Variants in PTPRD observed in about 807,000 individuals in gnomAD.
PTPRD encodes the protein receptor-type tyrosine-protein phosphatase delta.
PTPRD carries 34 observed loss-of-function variants against 214.5 expected under a neutral mutation model. The ratio of observed to expected loss-of-function variants is 0.16; its 90% CI spans 0.12 to 0.21. PTPRD has a LOEUF of 0.21. Ranked by LOEUF, PTPRD falls within the 10% of genes least tolerant of loss-of-function variation. The pLI is 1.00. For synonymous variants in PTPRD, 1,128 were observed against 845.7 expected (o/e 1.33, Z -5.79); for missense variants, 2,545 against 2,398.7 (o/e 1.06, Z -1.27).
intron 9 of PTPRD, among the ~76,000 whole-genome samples, chr9:9,396,463 A>G (rs76589559): frequency 0.011 from 1,607 of 152,148 alleles, 77 homozygotes; most frequent in East Asian, 0.1. Context: ...AATATACAAT[A>G]AGGCTTTTAA....
chr9:10,107,156 T>A (rs1033001549), intron 3 of PTPRD, among the ~76,000 whole-genome samples: 5 of 151,874 alleles, frequency 3.3e-5, no homozygotes, highest in Non-Finnish European at 7.4e-5. Context: ...ACTAATGGGA[T>A]AACAAAAATG....
chr9:10,495,692 T>C (rs1199757595), intron 2 of PTPRD, among the ~76,000 whole-genome samples: 2 of 151,832 alleles, frequency 1.3e-5, no homozygotes, highest in Admixed American at 6.6e-5. Flanking sequence ...AGTGGAAACA[T>C]AGAGACTGTA....
chr9:10,051,641 C>T (rs1171786921), intron 3 of PTPRD, among the ~76,000 whole-genome samples: 1 of 151,906 alleles, frequency 6.6e-6, no homozygotes, highest in Non-Finnish European at 1.5e-5. Flanking sequence ...TGATGTTCCC[C>T]TTCCTGTGTC....
At chr9:10,581,647 A>G (rs1290414156) in intron 2 of PTPRD, among the ~76,000 whole-genome samples, 1 of 152,182 alleles carries the variant, frequency 6.6e-6, no homozygotes. Context: ...TTTGTGTACA[A>G]TTACCCACCA....
At chr9:9,709,852 A>G (rs879654227) in intron 7 of PTPRD, among the ~76,000 whole-genome samples, 4 of 152,076 alleles carry the variant, frequency 2.6e-5, no homozygotes, top group Non-Finnish European at 5.9e-5. Flanking sequence ...CTCTATGTAT[A>G]CGTATGTATG....
chr9:8,778,575 T>C (rs1036791272), intron 11 of PTPRD, among the ~76,000 whole-genome samples: 1 of 152,174 alleles, frequency 6.6e-6, no homozygotes, highest in African/African-American at 2.4e-5. Flanking sequence ...GGGCCGTGAC[T>C]TCCAAGCTCC....
At chr9:9,038,249 G>C (rs2099628118) in intron 10 of PTPRD, among the ~76,000 whole-genome samples, 2 of 152,108 alleles carry the variant, frequency 1.3e-5, no homozygotes, top group South Asian at 4.1e-4. Flanking sequence ...ATGTTTGATA[G>C]CACGTTAAGG....
chr9:9,991,287 C>T (rs997903993), intron 4 of PTPRD, among the ~76,000 whole-genome samples: 22 of 151,742 alleles, frequency 1.4e-4, no homozygotes, highest in African/African-American at 3.9e-4. Flanking sequence ...ATACAGAACA[C>T]AAATAGCACT....
intron 2 of PTPRD, among the ~76,000 whole-genome samples, chr9:10,599,840 C>G (rs1321563401): frequency 6.6e-6 from 1 of 151,750 alleles, no homozygotes; most frequent in Non-Finnish European, 1.5e-5. Context: ...TAATCAGAGG[C>G]TTTTACGCTT....
chr9:8,518,522 T>G, intron 20 of PTPRD, 93 bp from the exon 21 acceptor site: 1 of 891,298 alleles, frequency 1.1e-6, no homozygotes, highest in South Asian at 1.9e-5. Context: ...GACAGGATTA[T>G]GTATCTACTG....
At chr9:10,073,571 A>T (rs1419242417) in intron 3 of PTPRD, among the ~76,000 whole-genome samples, 1 of 152,130 alleles carries the variant, frequency 6.6e-6, no homozygotes, top group Non-Finnish European at 1.5e-5. Flanking sequence ...TTGATTTGCT[A>T]AAAATCCCAA....
intron 11 of PTPRD, among the ~76,000 whole-genome samples, chr9:8,975,265 T>C (rs2099262080): frequency 6.6e-6 from 1 of 152,048 alleles, no homozygotes; most frequent in Non-Finnish European, 1.5e-5. Context: ...AAAATACTGA[T>C]GATGTTATTG....
chr9:8,906,403 C>T (rs900816004), intron 11 of PTPRD, among the ~76,000 whole-genome samples: 3 of 152,070 alleles, frequency 2.0e-5, no homozygotes, highest in Non-Finnish European at 4.4e-5. Flanking sequence ...ATCAGTGTAA[C>T]TTTGGGGAAG....
chr9:10,126,088 G>A (rs1430955195), intron 3 of PTPRD, among the ~76,000 whole-genome samples: 1 of 152,014 alleles, frequency 6.6e-6, no homozygotes, highest in Admixed American at 6.6e-5. Context: ...ATTTTCTTTA[G>A]CATTTGGCAT....
intron 35 of PTPRD, among the ~76,000 whole-genome samples, chr9:8,409,196 A>G (rs2093315232): frequency 6.6e-6 from 1 of 152,206 alleles, no homozygotes; most frequent in Non-Finnish European, 1.5e-5. Context: ...CAAAGACCCT[A>G]GAAGTAGTTG....
chr9:8,489,661 AG>A (rs1157859865), intron 27 of PTPRD, among the ~76,000 whole-genome samples: 19 of 152,224 alleles, frequency 1.2e-4, no homozygotes, highest in African/African-American at 4.6e-4. Flanking sequence ...CAGTTTAAAC[AG>A]GCTGGAGTAA....
At chr9:8,752,285 G>T (rs1185179476) in intron 11 of PTPRD, among the ~76,000 whole-genome samples, 2 of 152,126 alleles carry the variant, frequency 1.3e-5, no homozygotes, top group African/African-American at 4.8e-5. Context: ...CCAAAACCAA[G>T]ATGGCCATGA....
At chr9:9,660,461 A>G (rs2096601978) in intron 7 of PTPRD, among the ~76,000 whole-genome samples, 1 of 152,076 alleles carries the variant, frequency 6.6e-6, no homozygotes, top group Non-Finnish European at 1.5e-5. Flanking sequence ...GGGATCTTGA[A>G]TATAGTTTAA....
chr9:10,230,974 T>C (rs1200318337), intron 3 of PTPRD, among the ~76,000 whole-genome samples: 1 of 151,988 alleles, frequency 6.6e-6, no homozygotes. Flanking sequence ...GAAGTTCCTT[T>C]GGGTCTGTAA....
Sources: allele counts gnomAD v4.1 joint callset (sites outside exome capture counted in the v4.1 genomes callset), GRCh38; gene constraint gnomAD v4.1.1; transcripts MANE v1.5; gene names NCBI Gene and HGNC (gene_info 2026-07-23, HGNC 2026-07-21).